The following CYP27B1 variants were observed in gnomAD, a reference collection of about 807,000 sequenced individuals.
The protein encoded by CYP27B1 is cytochrome P450 family 27 subfamily B member 1.
In CYP27B1, 46 loss-of-function variants were observed where a neutral mutation model predicts 54.8. The ratio of observed to expected loss-of-function variants is 0.84; its 90% CI spans 0.66 to 1.07. CYP27B1 has a LOEUF of 1.07. CYP27B1 is among the 50% of genes least tolerant of loss of function. The pLI, the probability that CYP27B1 is intolerant of heterozygous loss-of-function variation, is 0.00. For synonymous variants in CYP27B1, 292 were observed against 297.3 expected (o/e 0.98, Z 0.18); for missense variants, 674 against 692.2 (o/e 0.97, Z 0.30).
intron 7 of CYP27B1, 122 bp from the exon 8 acceptor site, chr12:57,763,930 A>G: frequency 1.8e-6 from 2 of 1,128,214 alleles, no homozygotes; most frequent in Non-Finnish European, 1.3e-6. Flanking sequence ...TTCTGGGGCT[A>G]CTTTTGGAAG....
At chr12:57,764,647 A>G in intron 5 of CYP27B1, 97 bp from the exon 6 acceptor site, 2 of 1,592,796 alleles carry the variant, frequency 1.3e-6, no homozygotes. Context: ...TGCTAAGCCA[A>G]GCTGGTCTAC....
Position 57,767,025 on chromosome 12 carries a change from T to A in CYP27B1, c.17A>T (p.Lys6Met). 6.2e-7 allele frequency: 1 copy of A among 1,614,222 alleles called. No homozygotes were observed. The highest frequency in any genetic ancestry group is 8.5e-7 in the Non-Finnish European group (1 of 1,180,028). The change falls in exon 1 of 9, where the codon AAG (lysine) becomes ATG (methionine). Residue 6 changes from lysine (K) to methionine (M), a missense_variant. Transcript: ENST00000228606. ...GCGATGGAACACTCTGGAGGCGTACTTGAGGGTCTGGGTCATGGTCTGGTT... is the reference window on the plus strand; with the variant it reads ...GCGATGGAACACTCTGGAGGCGTACATGAGGGTCTGGGTCATGGTCTGGTT... MTQTL[K>M]YASRVFHRVR...
At chr12:57,766,826 G>C in intron 1 of CYP27B1, 21 bp downstream of exon 1, 1 of 1,613,450 alleles carries the variant, frequency 6.2e-7, no homozygotes, top group Non-Finnish European at 8.5e-7. Flanking sequence ...ACTCTGTCTC[G>C]GGAAAGGCGT....
chr12:57,765,761 C>T lies in CYP27B1; in HGVS notation c.386+246G>A, dbSNP rs544367663. On this transcript the variant is annotated intron_variant, in intron 2 of 8. Coordinates refer to ENST00000228606, the MANE Select transcript of CYP27B1 (RefSeq NM_000785.4). The surrounding 1 kb of genome is among the most constrained non-coding windows in gnomAD (Gnocchi z 5.8). ...TTCCATCCAGATCCTTGTACCCTAG[C>T]CCAATTCCTCCGGTTCCCCCAGTTC... The T allele has an allele frequency of 8.5e-6, 7 of 823,608 alleles. No homozygotes were observed. In the South Asian group the frequency reaches 8.8e-5, roughly 10 times the overall value. 51.0% of individuals were successfully genotyped at this position (823,608 alleles called of 1,614,324 possible).
At chr12:57,764,043 G>A (rs192537503) in intron 7 of CYP27B1, 55 bp downstream of exon 7, 4 of 1,437,356 alleles carry the variant, frequency 2.8e-6, no homozygotes, top group Non-Finnish European at 3.9e-6. Context: ...AACAGGGTTG[G>A]GGCCCAAGAT....
Position 57,764,099 on chromosome 12 carries a change from T to C in CYP27B1, c.1214A>G (p.Asn405Ser). ...AAAGGGTGCATAGGCTTTACTCACA[T>C]TTTTGGGGATAATATAGTCACCCAC... is the stretch of plus-strand genomic sequence containing the variant. ...IHVGDYIIPK[N>S]TLVTLCHYAT... Residue 405 changes from asparagine to serine, a missense_variant and splice_region_variant, in exon 7 of 9, where the codon AAT becomes AGT. Physicochemically the swap from Asn to Ser is conservative, Grantham distance 46. Transcript: ENST00000228606. 1 of 1,610,562 alleles carries C rather than the reference T, an allele frequency of 6.2e-7. No individual in the cohort carries two copies. Among genetic ancestry groups the C allele is most frequent in the Non-Finnish European group, 8.5e-7 (1 of 1,176,780 alleles).
chr12:57,763,015 A>C lies in CYP27B1; in HGVS notation c.*127T>G, dbSNP rs976511556. The C allele has an allele frequency of 1.4e-6, 1 of 730,192 alleles. No individual in the cohort carries two copies. The highest frequency in any genetic ancestry group is 2.5e-6 in the Non-Finnish European group (1 of 405,396). 45.2% of individuals were successfully genotyped at this position (730,192 alleles called of 1,614,324 possible). A position where few individuals can be genotyped will look rare whatever the true frequency, so the allele number is the denominator to read the frequency against. On this transcript the variant is annotated 3_prime_UTR_variant, in exon 9 of 9. Transcript: ENST00000228606. ...GGTCAGGGCCGCCTCACACTTCACT[A>C]TGGTGGTTCTATCCAGTTTGGTCAG... is the stretch of plus-strand genomic sequence containing the variant.
Position 57,766,957 on chromosome 12 carries a change from C to G in CYP27B1, c.85G>C (p.Glu29Gln), listed in dbSNP as rs2140398293. The G allele has an allele frequency of 6.2e-7, 1 of 1,614,208 alleles. No individual in the cohort carries two copies. Among genetic ancestry groups the G allele is most frequent in the Non-Finnish European group, 8.5e-7 (1 of 1,180,030 alleles). Residue 29 changes from glutamate (E) to glutamine (Q), a missense_variant, in exon 1 of 9, where the codon GAG becomes CAG. Physicochemically the swap from Glu to Gln is conservative, Grantham distance 29. Transcript: ENST00000228606. Reference protein sequence around the residue: ...PELGASLGYREYHSARRSLAD... With the variant: ...PELGASLGYRQYHSARRSLAD... ...AAGCTCCGGCGTGCTGAGTGGTACT[C>G]TCGGTAGCCTAGGGAGGCGCCCAAC... is the stretch of plus-strand genomic sequence containing the variant.
chr12:57,764,248 A>C, intron 6 of CYP27B1, 72 bp from the exon 7 acceptor site: 1 of 1,568,286 alleles, frequency 6.4e-7, no homozygotes, highest in Admixed American at 1.7e-5. Flanking sequence ...CATTGTTTCC[A>C]ACTTCCAAAC....
At position 57,765,448 on chromosome 12, in the gene CYP27B1, G is replaced by A. The variant is rs745971801; in HGVS notation, c.438C>T (p.Leu146=). 6.2e-6 allele frequency: 10 copies of A among 1,612,998 alleles called. No homozygotes were observed. Among genetic ancestry groups the A allele is most frequent in the Middle Eastern group, 1.7e-4 (1 of 6,058 alleles). The part of the protein sequence containing the change: ...RLRSLLAPLL[L]RPQAAARYAG... ...CGTAGCGGGCGGCCGCTTGAGGCCG[G>A]AGGAGGAGCGGGGCCAGGAGACTGC... The change falls in exon 3 of 9, where the codon CTC becomes CTT. Residue 146 remains leucine, a synonymous_variant. Transcript: ENST00000228606. This position sits in a 1 kb window ranked among gnomAD's most constrained non-coding sequence, Gnocchi z 5.8.
At position 57,763,776 on chromosome 12, in the gene CYP27B1, T is replaced by C. The variant is rs374454037; in HGVS notation, c.1248A>G (p.Ser416=). 17 of 1,614,156 alleles carry C rather than the reference T, an allele frequency of 1.1e-5. No individual in the cohort carries two copies. The highest frequency in any genetic ancestry group is 4.4e-5 in the South Asian group (4 of 91,088). ...GCTCTGGGAACTGGGCAGGGTCCCT[T>C]GAAGTGGCATAGTGACACAGAGTGA... ...TLVTLCHYAT[S]RDPAQFPEPN... The change falls in exon 8 of 9, where the codon TCA becomes TCG. Residue 416 remains serine, a synonymous_variant. Transcript: ENST00000228606.
Position 57,763,112 on chromosome 12 carries a change from GGGT to G in CYP27B1, c.*27_*29del, listed in dbSNP as rs765532756. 2.0e-6 allele frequency: 3 copies of G among 1,465,044 alleles called. No individual in the cohort carries two copies. The highest frequency in any genetic ancestry group is 2.9e-6 in the Non-Finnish European group (3 of 1,045,104). 90.8% of individuals were successfully genotyped at this position (1,465,044 alleles called of 1,614,324 possible). A position where few individuals can be genotyped will look rare whatever the true frequency, so the allele number is the denominator to read the frequency against. Reference sequence around the variant, plus strand: ...AATCTTATCCCTATGATGAATGAAAGGGTGATGATGACAGTCTCTTTCCATGGG... The same window carrying G: ...AATCTTATCCCTATGATGAATGAAAGGATGATGACAGTCTCTTTCCATGGG... On this transcript the variant is annotated 3_prime_UTR_variant, in exon 9 of 9. Coordinates refer to ENST00000228606, the MANE Select transcript of CYP27B1 (RefSeq NM_000785.4).
chr12:57,763,097 C>T lies in CYP27B1; in HGVS notation c.*45G>A, dbSNP rs779510099. ...CTTGTGCCTACAAAAAATCTTATCC[C>T]TATGATGAATGAAAGGGTGATGATG... On this transcript the variant is annotated 3_prime_UTR_variant, in exon 9 of 9. Coordinates refer to ENST00000228606, the MANE Select transcript of CYP27B1 (RefSeq NM_000785.4). The T allele has an allele frequency of 4.1e-5, 57 of 1,400,118 alleles. No homozygotes were observed. Among genetic ancestry groups the T allele is most frequent in the Non-Finnish European group, 5.6e-5 (55 of 989,338 alleles). The allele number at this position is 1,400,118 out of a possible 1,614,324, so 86.7% of individuals were successfully genotyped here. A position where few individuals can be genotyped will look rare whatever the true frequency, so the allele number is the denominator to read the frequency against.
chr12:57,766,756 C>T, intron 1 of CYP27B1, 91 bp downstream of exon 1: 1 of 1,372,180 alleles, frequency 7.3e-7, no homozygotes, highest in Non-Finnish European at 1.0e-6. Context: ...CTCTGGCTGT[C>T]CCACATTTGC....
chr12:57,763,385 C>A, intron 8 of CYP27B1, 130 bp from the exon 9 acceptor site: 1 of 859,808 alleles, frequency 1.2e-6, no homozygotes, highest in East Asian at 2.6e-5. Flanking sequence ...CACCTGTGGC[C>A]AGTAGGGGAC....
rs201302886 is a variant in CYP27B1 at position 57,764,754 on chromosome 12, C to A, written c.963G>T (p.Thr321=). The A allele has an allele frequency of 5.9e-5, 96 of 1,614,078 alleles. No homozygotes were observed. In the African/African-American group the frequency reaches 9.9e-4, roughly 17 times the overall value. ...TCACAGCACGGAGGGAGAACCTCAC[C>A]GTGTCCACTCCCGCCAATAGCAACT... ...VTELLLAGVD[T]VSNTLSWALY... is the part of the protein sequence containing the mutation. The change falls in exon 5 of 9, where the codon ACG becomes ACT. Residue 321 remains threonine (T), a splice_region_variant and synonymous_variant. Coordinates refer to ENST00000228606, the MANE Select transcript of CYP27B1 (RefSeq NM_000785.4).
intron 8 of CYP27B1, 35 bp from the exon 9 acceptor site, chr12:57,763,290 G>A (rs1337763845): frequency 1.4e-6 from 2 of 1,465,282 alleles, no homozygotes; most frequent in African/African-American, 2.8e-5. Context: ...TACTATGAAA[G>A]ATATCTATAA....
chr12:57,762,888 C>A lies in CYP27B1; in HGVS notation c.*254G>T. On this transcript the variant is annotated 3_prime_UTR_variant, in exon 9 of 9. Transcript: ENST00000228606. Reference sequence around the variant, plus strand: ...ATTATTAGTTAAAATCTGATTTCATCCTTGGGGGATGCATACATGATCAGA... The same window carrying A: ...ATTATTAGTTAAAATCTGATTTCATACTTGGGGGATGCATACATGATCAGA... The A allele has an allele frequency of 2.1e-6, 1 of 471,818 alleles. No individual in the cohort carries two copies. Among genetic ancestry groups the A allele is most frequent in the Non-Finnish European group, 3.9e-6 (1 of 254,840 alleles). The allele number at this position is 471,818 out of a possible 1,614,324, so 29.2% of individuals were successfully genotyped here.
Position 57,764,946 on chromosome 12 carries a change from G to A in CYP27B1, c.791-20C>T. ...TCTGAGCTGCGTGGGTAGAAGGCAC[G>A]TGAATACCTCGCTACCCCTGGACAG... On this transcript the variant is annotated intron_variant, in intron 4 of 8. Coordinates refer to ENST00000228606, the MANE Select transcript of CYP27B1 (RefSeq NM_000785.4). 6.2e-7 allele frequency: 1 copy of A among 1,614,114 alleles called. No homozygotes were observed. Among genetic ancestry groups the A allele is most frequent in the Non-Finnish European group, 8.5e-7 (1 of 1,180,034 alleles).
Sources: allele counts gnomAD v4.1 joint callset, GRCh38; gene constraint gnomAD v4.1.1; non-coding constraint Gnocchi (gnomAD v3.1); transcripts MANE v1.5; gene names NCBI Gene and HGNC (gene_info 2026-07-23, HGNC 2026-07-21).